ANXA4: variants seen among roughly 807,000 people sequenced by gnomAD.
ANXA4 encodes annexin A4.
Under a neutral mutation model 49.8 loss-of-function variants are expected in ANXA4, and 39 were observed. The observed-to-expected ratio is 0.78, with a 90% CI of 0.61 to 1.02. The LOEUF (loss-of-function observed/expected upper bound fraction) is 1.02, where lower values mean the gene tolerates loss of function less well. Ranked by LOEUF, ANXA4 falls within the 50% of genes least tolerant of loss-of-function variation. ANXA4 has a pLI of 0.00. For synonymous variants in ANXA4, 134 were observed against 152.5 expected, an observed-to-expected ratio of 0.88 and a Z score of 0.89; for missense variants, 360 against 410.1, an observed-to-expected ratio of 0.88 and a Z score of 1.05.
At chr2:69,738,045 C>T (rs1331222467), upstream of ANXA4, among the ~76,000 whole-genome samples, 1 of 152,090 alleles carries the variant, frequency 6.6e-6, no homozygotes, top group African/African-American at 2.4e-5. Flanking sequence ...ATAAGTATGT[C>T]TCATGCAATA....
At chr2:69,681,495 G>A (rs1427077267) in intron 2 of ANXA4, among the ~76,000 whole-genome samples, 3 of 151,872 alleles carry the variant, frequency 2.0e-5, no homozygotes, top group Non-Finnish European at 4.4e-5. Context: ...CTCCTGAGTA[G>A]CTGGGATTAC....
rs974347199 is a variant in ANXA4 at position 69,709,981 on chromosome 2, C to CTTT, written n.767-10772_767-10770dup. On this transcript the variant is annotated intron_variant and non_coding_transcript_variant, in intron 2 of 3. Transcript: ENST00000418066. ...TATTATGGCAGCATGCACTTCCAGGCTTTTTTTTTTTTTTTTTTTTTTTGA... is the reference window on the plus strand; with the variant it reads ...TATTATGGCAGCATGCACTTCCAGGCTTTTTTTTTTTTTTTTTTTTTTTTTTGA... 6.5e-3 allele frequency among the ~76,000 whole-genome samples: 634 copies of CTTT among 96,968 alleles called. 15 individuals carry two copies. The highest frequency in any genetic ancestry group is 0.038 in the East Asian group (125 of 3,276). 63.6% of individuals were successfully genotyped at this position (96,968 alleles called of 152,430 possible).
At chr2:69,788,261 C>T in intron 3 of ANXA4, 120 bp downstream of exon 3, 1 of 871,666 alleles carries the variant, frequency 1.1e-6, no homozygotes, top group Non-Finnish European at 1.8e-6. Flanking sequence ...ACAAGGGAGG[C>T]TGGGTGTGGG....
intron 2 of ANXA4, among the ~76,000 whole-genome samples, chr2:69,691,460 A>G (rs372303701): frequency 1.3e-5 from 2 of 152,126 alleles, no homozygotes; most frequent in South Asian, 2.1e-4. Flanking sequence ...CTACCACAGT[A>G]TAAAGATGGG....
At chr2:69,773,927 T>A (rs1671852505) in intron 1 of ANXA4, among the ~76,000 whole-genome samples, 2 of 151,276 alleles carry the variant, frequency 1.3e-5, no homozygotes, top group Admixed American at 1.3e-4. Context: ...ACCGCGCCCG[T>A]CCTCAAGCAA....
intron 3 of ANXA4, among the ~76,000 whole-genome samples, chr2:69,732,464 G>A (rs1481271702): frequency 6.6e-6 from 1 of 150,600 alleles, no homozygotes; most frequent in Non-Finnish European, 1.5e-5. Context: ...CGAGTAAAGA[G>A]TATTACAGTG....
At chr2:69,814,342 C>CTT (rs781253870) in intron 8 of ANXA4, among the ~76,000 whole-genome samples, 8,652 of 97,228 alleles carry the variant, frequency 0.089, 1,287 homozygotes, top group African/African-American at 0.27. Context: ...GTATTTTATT[C>CTT]TTTTTTTTTT....
chr2:69,707,122 C>T (rs918410775), intron 2 of ANXA4, among the ~76,000 whole-genome samples: 1 of 152,108 alleles, frequency 6.6e-6, no homozygotes, highest in African/African-American at 2.4e-5. Context: ...CTTTTGCTCT[C>T]CTCATTTAGC....
intron 2 of ANXA4, among the ~76,000 whole-genome samples, chr2:69,672,203 A>G (rs1677216698): frequency 6.6e-6 from 1 of 152,162 alleles, no homozygotes; most frequent in Non-Finnish European, 1.5e-5. Flanking sequence ...AGTGAAAAAA[A>G]TTATGTACTT....
At chr2:69,801,790 C>T (rs1445524072) in intron 3 of ANXA4, among the ~76,000 whole-genome samples, 1 of 152,146 alleles carries the variant, frequency 6.6e-6, no homozygotes, top group Non-Finnish European at 1.5e-5. Context: ...TGGTTGGGAG[C>T]TTTCTGAGAA....
At chr2:69,734,825 T>C (rs1670201737) in intron 3 of ANXA4, among the ~76,000 whole-genome samples, 1 of 152,228 alleles carries the variant, frequency 6.6e-6, no homozygotes, top group South Asian at 2.1e-4. Flanking sequence ...TAGTGTCAAC[T>C]TGAGTATAGT....
chr2:69,671,701 C>T (rs906853261), intron 2 of ANXA4, among the ~76,000 whole-genome samples: 11 of 152,070 alleles, frequency 7.2e-5, no homozygotes, highest in South Asian at 2.1e-4. Context: ...CCTGCCTGGG[C>T]GATATAATGA....
intron 8 of ANXA4, among the ~76,000 whole-genome samples, chr2:69,813,007 G>A (rs1212280824): frequency 1.3e-5 from 2 of 152,146 alleles, no homozygotes; most frequent in Non-Finnish European, 2.9e-5. Context: ...ACTGTTCACT[G>A]TGCACTTTTA....
intron 1 of ANXA4, among the ~76,000 whole-genome samples, chr2:69,770,616 G>A (rs964871194): frequency 6.6e-6 from 1 of 151,994 alleles, no homozygotes; most frequent in South Asian, 2.1e-4. Flanking sequence ...TTCAGTTACC[G>A]GGGTGAATTC....
chr2:69,660,226 T>G (rs1420932970), intron 2 of ANXA4, among the ~76,000 whole-genome samples: 1 of 152,202 alleles, frequency 6.6e-6, no homozygotes, highest in Non-Finnish European at 1.5e-5. Context: ...TTGACTTTGC[T>G]TAATACTCTC....
chr2:69,709,915 T>G (rs1678621846), intron 2 of ANXA4, among the ~76,000 whole-genome samples: 1 of 151,956 alleles, frequency 6.6e-6, no homozygotes, highest in Non-Finnish European at 1.5e-5. Flanking sequence ...AATAGGTAAC[T>G]TAAACACCAG....
In ANXA4 at chr2:69,816,184, CCT is replaced by C; in HGVS notation, c.619_620del (p.Leu207ValfsTer5). 6.2e-7 allele frequency: 1 copy of C among 1,613,906 alleles called. No individual in the cohort carries two copies. Among genetic ancestry groups the C allele is most frequent in the Non-Finnish European group, 8.5e-7 (1 of 1,179,824 alleles). On this transcript the variant is annotated frameshift_variant, in exon 9 of 13. Transcript: ENST00000394295. LOFTEE classifies it high-confidence loss of function. ...TTCTCTGTTCCCGGAACCGAAATCA[CCT>C]GTTGCATGGTAAGGCACTTACTTCA... ...TVLCSRNRNH[L>X]LHVFDEYKRI... is the part of the protein sequence containing the mutation.
intron 1 of ANXA4, among the ~76,000 whole-genome samples, chr2:69,780,291 C>G (rs1006867085): frequency 1.3e-5 from 2 of 152,124 alleles, no homozygotes; most frequent in African/African-American, 4.8e-5. Flanking sequence ...ACCTCCCAGG[C>G]TCAAGTGATT....
intron 1 of ANXA4, among the ~76,000 whole-genome samples, chr2:69,757,262 ATATATTTTTTTTTTTT>A (rs1405408415): frequency 3.2e-4 from 16 of 50,248 alleles, no homozygotes; most frequent in African/African-American, 1.6e-3. Flanking sequence ...ATATATATAT[ATATATTTTTTTTTTTT>A]TTTTTTTTTT....
Sources: gnomAD v4.1 joint callset for allele counts (sites outside exome capture counted in the v4.1 genomes callset) on GRCh38, gnomAD v4.1.1 for gene constraint, MANE v1.5 for transcripts, NCBI Gene and HGNC (gene_info 2026-07-23, HGNC 2026-07-21) for gene names.